Variants in ADAM18 observed in about 807,000 individuals in gnomAD.
ADAM18 encodes disintegrin and metalloproteinase domain-containing protein 18.
ADAM18 carries 117 observed loss-of-function variants against 94.4 expected under a neutral mutation model. The observed-to-expected ratio is 1.24, with a 90% CI of 1.07 to 1.45. The LOEUF (loss-of-function observed/expected upper bound fraction) is 1.45, where lower values mean the gene tolerates loss of function less well. Among genes scored for constraint, ADAM18 ranks in the 40% most tolerant of loss-of-function variants. ADAM18 has a pLI of 0.00. For missense variants in ADAM18, 936 were observed against 880.0 expected (o/e 1.06, Z -0.81); for synonymous variants, 327 against 291.6 (o/e 1.12, Z -1.24).
chr8:39,725,454 A>G (rs1475047749), intron 19 of ADAM18, among the ~76,000 whole-genome samples: 1 of 152,100 alleles, frequency 6.6e-6, no homozygotes, highest in Non-Finnish European at 1.5e-5. Flanking sequence ...TTTATCTTGC[A>G]TAACTGAATC....
chr8:39,648,100 A>G (rs1275365671), intron 11 of ADAM18, among the ~76,000 whole-genome samples: 1 of 152,248 alleles, frequency 6.6e-6, no homozygotes, highest in Non-Finnish European at 1.5e-5. Flanking sequence ...AGATATAGAT[A>G]CATAGATTTA....
intron 17 of ADAM18, among the ~76,000 whole-genome samples, chr8:39,705,761 T>A (rs1294408317): frequency 6.6e-6 from 1 of 152,024 alleles, no homozygotes; most frequent in Non-Finnish European, 1.5e-5. Context: ...TTTAGCAAAA[T>A]GAGTATAAAC....
In ADAM18 at chr8:39,667,978, A is replaced by AT; in HGVS notation, c.1327-15dup. ...AAAATGATTTACAGAACTTAATTTT[A>AT]TTTTTCCTTTTCCTCCCAGTTGTCA... is the stretch of plus-strand genomic sequence containing the variant. On this transcript the variant is annotated intron_variant, in intron 13 of 19. Transcript: ENST00000265707. 6.2e-7 allele frequency: 1 copy of AT among 1,607,130 alleles called. No individual in the cohort carries two copies. Among genetic ancestry groups the AT allele is most frequent in the Non-Finnish European group, 8.5e-7 (1 of 1,174,588 alleles).
At chr8:39,666,472 T>G (rs927279805) in intron 13 of ADAM18, among the ~76,000 whole-genome samples, 3 of 152,216 alleles carry the variant, frequency 2.0e-5, no homozygotes, top group Admixed American at 6.5e-5. Flanking sequence ...ATTTCTTTTA[T>G]TTATTATGCA....
chr8:39,663,754 G>C (rs746675121), intron 12 of ADAM18, 41 bp from the exon 13 acceptor site: 2 of 1,327,534 alleles, frequency 1.5e-6, no homozygotes, highest in East Asian at 4.6e-5. Flanking sequence ...GAGCTTTTAA[G>C]TGGTTAAACT....
intron 17 of ADAM18, among the ~76,000 whole-genome samples, chr8:39,698,865 A>G (rs1044950824): frequency 6.6e-6 from 1 of 152,010 alleles, no homozygotes; most frequent in Non-Finnish European, 1.5e-5. Flanking sequence ...TAAATCTTTC[A>G]CCTAAAAAAC....
chr8:39,639,260 C>T (rs1293077389), intron 10 of ADAM18, among the ~76,000 whole-genome samples: 2 of 151,880 alleles, frequency 1.3e-5, no homozygotes, highest in Admixed American at 6.6e-5. Context: ...GTGAATCATG[C>T]GTCCTCCCAC....
chr8:39,632,919 A>C (rs1227825206), intron 7 of ADAM18, among the ~76,000 whole-genome samples: 1 of 152,204 alleles, frequency 6.6e-6, no homozygotes, highest in Non-Finnish European at 1.5e-5. Context: ...TGTCCCCTTC[A>C]TAATTCATGT....
intron 19 of ADAM18, among the ~76,000 whole-genome samples, chr8:39,726,859 T>C (rs1189221395): frequency 6.6e-6 from 1 of 152,146 alleles, no homozygotes; most frequent in Non-Finnish European, 1.5e-5. Context: ...TTGACAACCA[T>C]CTTACAAAAT....
intron 7 of ADAM18, among the ~76,000 whole-genome samples, 162 bp downstream of exon 7, chr8:39,629,601 C>A (rs1468225277): frequency 6.6e-6 from 1 of 150,768 alleles, no homozygotes; most frequent in African/African-American, 2.4e-5. Context: ...TTCCTCCCCT[C>A]CCCTCTGTCT....
chr8:39,642,388 T>C (rs1007554124), intron 10 of ADAM18, among the ~76,000 whole-genome samples: 2 of 152,154 alleles, frequency 1.3e-5, no homozygotes, highest in East Asian at 3.9e-4. Context: ...TTTTATAGTT[T>C]TGAGTTTTAC....
At chr8:39,611,167 T>A in intron 6 of ADAM18, 4 of 845,274 alleles carry the variant, frequency 4.7e-6, no homozygotes, top group Non-Finnish European at 5.7e-6. Flanking sequence ...ACTTTGAATA[T>A]TTCAATCCAT....
At chr8:39,612,273 G>C (rs1041911300) in intron 6 of ADAM18, among the ~76,000 whole-genome samples, 1 of 152,136 alleles carries the variant, frequency 6.6e-6, no homozygotes, top group Non-Finnish European at 1.5e-5. Flanking sequence ...GGTGGGTGGA[G>C]GGAGGATGTA....
chr8:39,682,601 A>G (rs1284451710), intron 16 of ADAM18, among the ~76,000 whole-genome samples: 3 of 152,202 alleles, frequency 2.0e-5, no homozygotes, highest in Non-Finnish European at 4.4e-5. Flanking sequence ...ATATTTCAGA[A>G]TTGCTATGGA....
chr8:39,612,251 G>A (rs1563274913), intron 6 of ADAM18, among the ~76,000 whole-genome samples: 1 of 152,226 alleles, frequency 6.6e-6, no homozygotes. Context: ...TCTTTGGAAG[G>A]AAGGAATTGA....
At chr8:39,726,200 C>T (rs956710965) in intron 19 of ADAM18, among the ~76,000 whole-genome samples, 1 of 150,784 alleles carries the variant, frequency 6.6e-6, no homozygotes, top group Non-Finnish European at 1.5e-5. Flanking sequence ...TATTAAGCTT[C>T]TTTGACAATT....
chr8:39,609,626 G>A, intron 5 of ADAM18, 65 bp downstream of exon 5: 1 of 1,091,060 alleles, frequency 9.2e-7, no homozygotes, highest in African/African-American at 1.5e-5. Flanking sequence ...ACAAAACTTA[G>A]TGACTAGCAG....
intron 17 of ADAM18, among the ~76,000 whole-genome samples, chr8:39,699,166 T>A (rs1318158672): frequency 1.3e-5 from 2 of 152,084 alleles, no homozygotes; most frequent in African/African-American, 4.8e-5. Context: ...AAGAGGACAA[T>A]CATTAGTTTG....
At chr8:39,602,079 G>A (rs188608443) in intron 2 of ADAM18, among the ~76,000 whole-genome samples, 1 of 152,066 alleles carries the variant, frequency 6.6e-6, no homozygotes, top group Non-Finnish European at 1.5e-5. Flanking sequence ...ATGGGCATTT[G>A]GGTTGCTTCC....
Sources: gnomAD v4.1 joint callset for allele counts (sites outside exome capture counted in the v4.1 genomes callset) on GRCh38, gnomAD v4.1.1 for gene constraint, MANE v1.5 for transcripts, NCBI Gene and HGNC (gene_info 2026-07-23, HGNC 2026-07-21) for gene names.